The following NVL variants were observed in gnomAD, a reference collection of about 807,000 sequenced individuals.
The protein encoded by NVL is nuclear valosin-containing protein-like.
Under a neutral mutation model 110.2 loss-of-function variants are expected in NVL, and 84 were observed. The observed-to-expected ratio is 0.76, with a 90% CI of 0.64 to 0.91. The LOEUF is 0.91. Ranked by LOEUF, NVL falls within the 40% of genes least tolerant of loss-of-function variation. The pLI is 0.00. For missense variants in NVL, 882 were observed against 1,035.9 expected (o/e 0.85, Z 2.04); for synonymous variants, 354 against 361.1 (o/e 0.98, Z 0.22).
At chr1:224,282,578 T>C (rs2102601138) in intron 15 of NVL, among the ~76,000 whole-genome samples, 1 of 152,356 alleles carries the variant, frequency 6.6e-6, no homozygotes. Flanking sequence ...ACAATCTGAA[T>C]GCAGAGGTGA....
chr1:224,293,895 C>G (rs1667616161), intron 12 of NVL, among the ~76,000 whole-genome samples: 1 of 152,206 alleles, frequency 6.6e-6, no homozygotes, highest in Non-Finnish European at 1.5e-5. Flanking sequence ...CTTACTGCAG[C>G]CTTGAACTCC....
At position 224,305,304 on chromosome 1, in the gene NVL, T is replaced by C; in HGVS notation, c.616-138A>G. ...ACCTCTGTTAACTATTCCCAATCTC[T>C]TTGCTCAAAGATGCTGTCTATTGTG... is the stretch of plus-strand genomic sequence containing the variant. On this transcript the variant is annotated intron_variant, in intron 6 of 22. Coordinates refer to ENST00000281701, the MANE Select transcript of NVL (RefSeq NM_002533.4). 5 of 745,294 alleles carry C rather than the reference T, an allele frequency of 6.7e-6. No individual in the cohort carries two copies. In the South Asian group the frequency reaches 9.8e-5, roughly 15 times the overall value. 46.2% of individuals were successfully genotyped at this position (745,294 alleles called of 1,614,324 possible). A position where few individuals can be genotyped will look rare whatever the true frequency, so the allele number is the denominator to read the frequency against.
intron 9 of NVL, chr1:224,302,884 CA>C: frequency 5.2e-5 from 16 of 307,680 alleles, no homozygotes; most frequent in East Asian, 1.4e-4. Flanking sequence ...TTCGTCTCTA[CA>C]AAAAAACAAA....
intron 15 of NVL, among the ~76,000 whole-genome samples, chr1:224,284,971 A>G (rs1387808043): frequency 1.3e-5 from 2 of 152,232 alleles, no homozygotes; most frequent in African/African-American, 4.8e-5. Context: ...TATAAGTGCA[A>G]GGCCATTTAA....
chr1:224,313,967 G>T (rs10916584), intron 4 of NVL, among the ~76,000 whole-genome samples: 52,386 of 151,924 alleles, frequency 0.34, 9,592 homozygotes, highest in East Asian at 0.45. Flanking sequence ...CGCACCACTG[G>T]ACTCCAGCCT....
chr1:224,291,777 T>C (rs1461285868), intron 12 of NVL, among the ~76,000 whole-genome samples: 3 of 152,342 alleles, frequency 2.0e-5, no homozygotes, highest in East Asian at 1.9e-4. Flanking sequence ...GCATTGTCAG[T>C]TGGGGACTAT....
Position 224,304,651 on chromosome 1 carries a change from A to G in NVL, c.825+85T>C, listed in dbSNP as rs934532795. The G allele has an allele frequency of 3.4e-6, 4 of 1,170,784 alleles. No individual in the cohort carries two copies. In the African/African-American group the frequency reaches 4.6e-5, roughly 13 times the overall value. 72.5% of individuals were successfully genotyped at this position (1,170,784 alleles called of 1,614,324 possible). A position where few individuals can be genotyped will look rare whatever the true frequency, so the allele number is the denominator to read the frequency against. On this transcript the variant is annotated intron_variant, in intron 8 of 22. Transcript: ENST00000281701. ...CAGTTTCCTTTTCTACACCCAGATC[A>G]TATTAGAAACAAAGAGGTAGGCTTT... is the stretch of plus-strand genomic sequence containing the variant.
At chr1:224,316,812 A>C (rs1429569962) in intron 4 of NVL, among the ~76,000 whole-genome samples, 2 of 152,260 alleles carry the variant, frequency 1.3e-5, no homozygotes, top group Admixed American at 1.3e-4. Context: ...GTATATCTAT[A>C]TGTCAAAACT....
intron 16 of NVL, among the ~76,000 whole-genome samples, chr1:224,278,126 C>T (rs1159492737): frequency 1.3e-5 from 2 of 152,070 alleles, no homozygotes; most frequent in Admixed American, 1.3e-4. Context: ...TTTCCTACTG[C>T]CTGCTGGACA....
In NVL at chr1:224,250,257, T is replaced by TA. The variant is rs1466726952; in HGVS notation, c.2243dup (p.Leu748PhefsTer35). On this transcript the variant is annotated frameshift_variant, in exon 19 of 23. Coordinates refer to ENST00000281701, the MANE Select transcript of NVL (RefSeq NM_002533.4). LOFTEE classifies it high-confidence loss of function. ...TGGCAAGGCGATCTGCAGGGGGCGG[T>TA]AAACCCACAAACAGTGTTTTGTCCA... is the stretch of plus-strand genomic sequence containing the variant. The TA allele has an allele frequency of 3.1e-6, 5 of 1,609,636 alleles. No homozygotes were observed. Among genetic ancestry groups the TA allele is most frequent in the Non-Finnish European group, 4.2e-6 (5 of 1,178,256 alleles).
At chr1:224,322,461 A>G (rs1670745438) in intron 2 of NVL, among the ~76,000 whole-genome samples, 1 of 152,052 alleles carries the variant, frequency 6.6e-6, no homozygotes, top group South Asian at 2.1e-4. Context: ...GAGGTATACT[A>G]TTGTTTTAAA....
At chr1:224,248,411 T>C (rs911242746) in intron 19 of NVL, among the ~76,000 whole-genome samples, 2 of 152,190 alleles carry the variant, frequency 1.3e-5, no homozygotes, top group Non-Finnish European at 2.9e-5. Context: ...CTATTTTCCA[T>C]ACTGTGCATC....
intron 14 of NVL, among the ~76,000 whole-genome samples, chr1:224,286,759 C>T (rs1666909800): frequency 6.6e-6 from 1 of 152,150 alleles, no homozygotes. Flanking sequence ...GCAGCAGTAA[C>T]TTTTGCATAG....
chr1:224,244,639 T>G (rs1237937663), intron 19 of NVL, among the ~76,000 whole-genome samples: 1 of 149,436 alleles, frequency 6.7e-6, no homozygotes, highest in Non-Finnish European at 1.5e-5. Flanking sequence ...GCCCGGCTAA[T>G]TTTTGTATTT....
chr1:224,245,045 T>C (rs1438562415), intron 19 of NVL, among the ~76,000 whole-genome samples: 2 of 152,154 alleles, frequency 1.3e-5, no homozygotes, highest in African/African-American at 4.8e-5. Flanking sequence ...TGCTTTGACC[T>C]ACAAAATATT....
chr1:224,285,942 C>T, intron 15 of NVL, 84 bp downstream of exon 15: 5 of 995,486 alleles, frequency 5.0e-6, no homozygotes, highest in Non-Finnish European at 6.1e-6. Flanking sequence ...TAAGACTTAC[C>T]TCACTGTAAT....
intron 11 of NVL, 90 bp downstream of exon 11, chr1:224,296,411 T>C: frequency 6.0e-6 from 4 of 666,650 alleles, no homozygotes; most frequent in Middle Eastern, 4.3e-4. Context: ...TGATATTTAC[T>C]ATATGAATAT....
chr1:224,330,165 T>G lies in NVL; in HGVS notation c.-38A>C, dbSNP rs374368157. 50 of 1,610,938 alleles carry G rather than the reference T, an allele frequency of 3.1e-5. 1 individual carries two copies. The highest frequency in any genetic ancestry group is 4.0e-5 in the African/African-American group (3 of 74,880). ...CCAAGCCACAGCTCGGACCGCCAGC[T>G]CCTAGTCAACCGGGGGCCTCGTAGG... On this transcript the variant is annotated 5_prime_UTR_variant, in exon 1 of 23. Transcript: ENST00000281701.
chr1:224,228,554 C>T (rs969220917), intron 22 of NVL, among the ~76,000 whole-genome samples: 16 of 151,594 alleles, frequency 1.1e-4, no homozygotes, highest in Admixed American at 1.3e-4. Context: ...CCACCCGCCT[C>T]GGCCTCTCAA....
Sources: allele counts gnomAD v4.1 joint callset (sites outside exome capture counted in the v4.1 genomes callset), GRCh38; gene constraint gnomAD v4.1.1; transcripts MANE v1.5; gene names NCBI Gene and HGNC (gene_info 2026-07-23, HGNC 2026-07-21).